Variants in NUDCD3 observed in about 807,000 individuals in gnomAD.
NUDCD3 encodes nudC domain-containing protein 3.
In NUDCD3, 13 loss-of-function variants were observed where a neutral mutation model predicts 39.7. The ratio of observed to expected loss-of-function variants is 0.33; its 90% CI spans 0.21 to 0.52. The LOEUF (loss-of-function observed/expected upper bound fraction) is 0.52. Among genes scored for constraint, NUDCD3 ranks in the 20% least tolerant of loss-of-function variants. The pLI is 0.96. For missense variants in NUDCD3, 453 were observed against 458.1 expected (o/e 0.99, Z 0.10); for synonymous variants, 175 against 172.4 (o/e 1.02, Z -0.12).
chr7:44,475,851 G>C (rs1800357584), intron 2 of NUDCD3, among the ~76,000 whole-genome samples: 1 of 151,328 alleles, frequency 6.6e-6, no homozygotes, highest in African/African-American at 2.4e-5. Flanking sequence ...AGGAAGTGAA[G>C]GGATTTTCTT....
chr7:44,420,068 T>G (rs1799108628), intron 3 of NUDCD3, among the ~76,000 whole-genome samples: 1 of 152,104 alleles, frequency 6.6e-6, no homozygotes, highest in Admixed American at 6.6e-5. Context: ...AAGGAGTATG[T>G]TCTAACCCAA....
chr7:44,453,758 G>T (rs1799838855), intron 2 of NUDCD3, among the ~76,000 whole-genome samples: 1 of 152,114 alleles, frequency 6.6e-6, no homozygotes. Flanking sequence ...AATAATAAAA[G>T]CTTGGCCAGG....
At position 44,384,374 on chromosome 7, in the gene NUDCD3, C is replaced by T. The variant is rs1298481648; in HGVS notation, c.*1637G>A. The T allele has an allele frequency of 2.0e-5, 3 of 152,170 alleles. No individual in the cohort carries two copies. Among genetic ancestry groups the T allele is most frequent in the Non-Finnish European group, 4.4e-5 (3 of 68,034 alleles). The allele number at this position is 152,170 out of a possible 1,614,324, so 9.4% of individuals were successfully genotyped here. ...TGACAAGAATTCTGCTCCCCAGGGT[C>T]GAGATCTCTTTAGAGGGGCTTCACC... On this transcript the variant is annotated 3_prime_UTR_variant, in exon 6 of 6. Transcript: ENST00000355451.
At chr7:44,397,014 T>C (rs1798638151) in intron 4 of NUDCD3, among the ~76,000 whole-genome samples, 1 of 152,210 alleles carries the variant, frequency 6.6e-6, no homozygotes, top group East Asian at 1.9e-4. Context: ...AGTATGCACA[T>C]AGTAAAAATC....
chr7:44,455,274 T>C (rs1799870398), intron 2 of NUDCD3, among the ~76,000 whole-genome samples: 1 of 152,068 alleles, frequency 6.6e-6, no homozygotes. Context: ...CTTATGTGCA[T>C]AAAGAGCAAC....
intron 2 of NUDCD3, among the ~76,000 whole-genome samples, chr7:44,472,528 T>C (rs1035700693): frequency 6.6e-6 from 1 of 152,176 alleles, no homozygotes; most frequent in African/African-American, 2.4e-5. Context: ...TTCAACAGAA[T>C]TTTCATACAC....
intron 2 of NUDCD3, among the ~76,000 whole-genome samples, chr7:44,443,055 C>T (rs369783262): frequency 3.9e-5 from 6 of 152,098 alleles, no homozygotes; most frequent in African/African-American, 1.2e-4. Flanking sequence ...CAAATGACAA[C>T]GTATTCACAC....
intron 5 of NUDCD3, among the ~76,000 whole-genome samples, chr7:44,391,607 G>A (rs1798517253): frequency 1.3e-5 from 2 of 152,170 alleles, no homozygotes; most frequent in Non-Finnish European, 2.9e-5. Context: ...CACTGCGTCC[G>A]CGTGCCCTGC....
chr7:44,440,049 A>G (rs1012022289), intron 2 of NUDCD3, among the ~76,000 whole-genome samples: 14 of 152,234 alleles, frequency 9.2e-5, no homozygotes, highest in African/African-American at 3.1e-4. Context: ...AGGAAGCAGG[A>G]TTAATGCCCC....
intron 2 of NUDCD3, among the ~76,000 whole-genome samples, chr7:44,466,790 C>T (rs968297952): frequency 1.3e-5 from 2 of 152,222 alleles, no homozygotes; most frequent in Non-Finnish European, 2.9e-5. Flanking sequence ...TCTGGGTGAG[C>T]CTGCAAAGCA....
chr7:44,386,475 C>A (rs1397863054), intron 5 of NUDCD3, among the ~76,000 whole-genome samples: 1 of 152,226 alleles, frequency 6.6e-6, no homozygotes, highest in East Asian at 1.9e-4. Context: ...CCACCAGGCA[C>A]TGACTAAGGC....
chr7:44,409,332 C>T (rs1037883198), intron 3 of NUDCD3, among the ~76,000 whole-genome samples: 2 of 152,140 alleles, frequency 1.3e-5, no homozygotes, highest in African/African-American at 2.4e-5. Context: ...GTTTACTGAT[C>T]CCAGGAGTTT....
chr7:44,407,566 C>CAAA lies in NUDCD3; in HGVS notation c.643-2986_643-2984dup, dbSNP rs758475229. ...GAGCAACAGGAGTGAAATTCTGTCT[C>CAAA]AAAAAAAAAAAAAAAAAAAACTAGA... On this transcript the variant is annotated intron_variant, in intron 3 of 5. Transcript: ENST00000355451. Among the ~76,000 whole-genome samples, 122 of 48,398 alleles carry CAAA rather than the reference C, an allele frequency of 2.5e-3. 2 individuals carry two copies. The highest frequency in any genetic ancestry group is 8.0e-3 in the African/African-American group (114 of 14,314). The allele number at this position is 48,398 out of a possible 152,430, so 31.8% of individuals were successfully genotyped here.
chr7:44,410,179 T>C (rs1798896960), intron 3 of NUDCD3, among the ~76,000 whole-genome samples: 1 of 151,640 alleles, frequency 6.6e-6, no homozygotes, highest in South Asian at 2.1e-4. Flanking sequence ...CCAAGTAAAA[T>C]AAACTAAAAG....
At chr7:44,429,126 C>T (rs1451328549) in intron 2 of NUDCD3, among the ~76,000 whole-genome samples, 4 of 152,302 alleles carry the variant, frequency 2.6e-5, no homozygotes, top group African/African-American at 9.6e-5. Context: ...GTATGCCCTG[C>T]ACACTGTCTA....
chr7:44,402,831 G>A, intron 4 of NUDCD3: 1 of 372,062 alleles, frequency 2.7e-6, no homozygotes, highest in South Asian at 2.0e-5. Context: ...CAGGCGGCCA[G>A]GGCTGCACCT....
At chr7:44,456,997 G>A (rs2116943581) in intron 2 of NUDCD3, among the ~76,000 whole-genome samples, 1 of 151,664 alleles carries the variant, frequency 6.6e-6, no homozygotes, top group African/African-American at 2.4e-5. Context: ...CTCAGTCCTA[G>A]GTAAACTATT....
intron 2 of NUDCD3, among the ~76,000 whole-genome samples, chr7:44,430,091 T>C (rs182310508): frequency 1.3e-3 from 205 of 152,348 alleles, no homozygotes; most frequent in Non-Finnish European, 3.4e-4. Flanking sequence ...TCTCTGATAG[T>C]AGAGTAACAG....
At chr7:44,445,389 G>A (rs555996874) in intron 2 of NUDCD3, among the ~76,000 whole-genome samples, 1 of 152,262 alleles carries the variant, frequency 6.6e-6, no homozygotes, top group Admixed American at 6.5e-5. Flanking sequence ...GCACAGTGTG[G>A]TCCCTGCCAG....
Sources: gnomAD v4.1 joint callset for allele counts (sites outside exome capture counted in the v4.1 genomes callset) on GRCh38, gnomAD v4.1.1 for gene constraint, MANE v1.5 for transcripts, NCBI Gene and HGNC (gene_info 2026-07-23, HGNC 2026-07-21) for gene names.